Variants in RAB3C observed in about 807,000 individuals in gnomAD.
RAB3C encodes the protein ras-related protein Rab-3C.
RAB3C carries 17 observed loss-of-function variants against 26.4 expected under a neutral mutation model. The ratio of observed to expected loss-of-function variants is 0.64; its 90% CI spans 0.44 to 0.97. RAB3C has a LOEUF of 0.97. RAB3C is among the 50% of genes least tolerant of loss of function. RAB3C has a pLI of 0.00. For synonymous variants in RAB3C, 91 were observed against 95.9 expected (o/e 0.95, Z 0.30); for missense variants, 242 against 281.9 (o/e 0.86, Z 1.01).
intron 2 of RAB3C, among the ~76,000 whole-genome samples, chr5:58,683,495 T>C (rs537331791): frequency 6.6e-6 from 1 of 152,298 alleles, no homozygotes; most frequent in East Asian, 1.9e-4. Context: ...GAATGATGTA[T>C]TGGTTTCCTA....
At chr5:58,675,322 C>G (rs1334583125) in intron 2 of RAB3C, among the ~76,000 whole-genome samples, 1 of 152,118 alleles carries the variant, frequency 6.6e-6, no homozygotes, top group Non-Finnish European at 1.5e-5. Flanking sequence ...TTTTCTTCAC[C>G]TCTATCAATT....
chr5:58,745,392 C>CAA (rs1173604247), intron 3 of RAB3C, among the ~76,000 whole-genome samples: 2,034 of 33,044 alleles, frequency 0.062, 240 homozygotes, highest in East Asian at 0.31. Context: ...GACTCTGCTT[C>CAA]AAAAAAAAAA....
chr5:58,859,282 C>G lies in RAB3C; in HGVS notation c.*7931C>G, dbSNP rs1744331114. 6.6e-6 allele frequency: 1 copy of G among 152,136 alleles called. No individual in the cohort carries two copies. The highest frequency in any genetic ancestry group is 1.5e-5 in the Non-Finnish European group (1 of 68,018). The allele number at this position is 152,136 out of a possible 1,614,324, so 9.4% of individuals were successfully genotyped here. On this transcript the variant is annotated 3_prime_UTR_variant, in exon 5 of 5. Transcript: ENST00000282878. Reference sequence around the variant, plus strand: ...TAATTGTGTAAAAATGGTATGTGCTCTATTAGGTATTCAGTTTGTATGTGA... The same window carrying G: ...TAATTGTGTAAAAATGGTATGTGCTGTATTAGGTATTCAGTTTGTATGTGA...
At chr5:58,732,170 A>T (rs1026107661) in intron 3 of RAB3C, among the ~76,000 whole-genome samples, 2 of 151,200 alleles carry the variant, frequency 1.3e-5, no homozygotes, top group Non-Finnish European at 2.9e-5. Context: ...TTACATATGT[A>T]TACATGTGCC....
At chr5:58,793,139 C>T (rs1742567678) in intron 3 of RAB3C, among the ~76,000 whole-genome samples, 1 of 152,142 alleles carries the variant, frequency 6.6e-6, no homozygotes, top group Non-Finnish European at 1.5e-5. Context: ...AGAAGGGACA[C>T]ACAGCCTCAA....
chr5:58,654,849 G>A (rs939354109), intron 2 of RAB3C, among the ~76,000 whole-genome samples: 2 of 152,008 alleles, frequency 1.3e-5, no homozygotes, highest in Non-Finnish European at 1.5e-5. Context: ...TGCCTATTAC[G>A]TCCCAGGCAA....
At chr5:58,727,508 T>A (rs1218359611) in intron 3 of RAB3C, among the ~76,000 whole-genome samples, 3 of 151,982 alleles carry the variant, frequency 2.0e-5, no homozygotes, top group African/African-American at 7.2e-5. Flanking sequence ...CAAGGCAATC[T>A]TAATTAAATA....
intron 3 of RAB3C, among the ~76,000 whole-genome samples, chr5:58,785,552 T>G (rs1209534576): frequency 6.6e-5 from 10 of 152,294 alleles, no homozygotes; most frequent in Non-Finnish European, 1.5e-5. Context: ...GCTGATTCAG[T>G]AGGTATGAGA....
At chr5:58,707,363 A>G (rs1416202572) in intron 2 of RAB3C, among the ~76,000 whole-genome samples, 2 of 152,224 alleles carry the variant, frequency 1.3e-5, no homozygotes, top group East Asian at 3.8e-4. Flanking sequence ...AAAGAAACTT[A>G]GAAATAAAGA....
intron 3 of RAB3C, among the ~76,000 whole-genome samples, chr5:58,816,197 G>A (rs902421955): frequency 7.2e-5 from 11 of 152,112 alleles, no homozygotes; most frequent in Non-Finnish European, 1.2e-4. Context: ...AGGAGTTTGC[G>A]CATAAGTAGT....
At chr5:58,847,264 T>C (rs1316565567) in intron 4 of RAB3C, among the ~76,000 whole-genome samples, 3 of 152,192 alleles carry the variant, frequency 2.0e-5, no homozygotes, top group African/African-American at 4.8e-5. Context: ...GTAACTTATT[T>C]ATCAGGAGGT....
At chr5:58,764,944 A>T (rs989272494) in intron 3 of RAB3C, among the ~76,000 whole-genome samples, 26 of 152,126 alleles carry the variant, frequency 1.7e-4, no homozygotes, top group African/African-American at 6.3e-4. Context: ...TGGCCTTAAG[A>T]CTTTTTTTTG....
intron 3 of RAB3C, among the ~76,000 whole-genome samples, chr5:58,813,592 T>TTATTTA (rs1743135227): frequency 2.1e-5 from 1 of 47,814 alleles, no homozygotes; most frequent in African/African-American, 6.5e-5. Flanking sequence ...ATATTTATAT[T>TTATTTA]TATATATATA....
intron 3 of RAB3C, among the ~76,000 whole-genome samples, chr5:58,737,181 C>T (rs1038507671): frequency 1.3e-5 from 2 of 151,794 alleles, no homozygotes; most frequent in African/African-American, 4.8e-5. Flanking sequence ...TACCTAAGAA[C>T]ATTTGCATCT....
At position 58,628,500 on chromosome 5, in the gene RAB3C, T is replaced by G. The variant is rs536732008; in HGVS notation, c.252+10630T>G. The stretch of plus-strand genomic sequence containing the variant: ...GACATTACATTAGAGCCTTGGCCTT[T>G]TAGAACACAGCCACTGCCAATCAGT... On this transcript the variant is annotated intron_variant, in intron 2 of 4. Transcript: ENST00000282878. Among the ~76,000 whole-genome samples the G allele has an allele frequency of 2.7e-4, 41 of 152,276 alleles. 1 individual carries two copies. In the South Asian group the frequency reaches 8.5e-3, roughly 32 times the overall value.
At chr5:58,833,369 G>A (rs924459121) in intron 4 of RAB3C, among the ~76,000 whole-genome samples, 1 of 116,138 alleles carries the variant, frequency 8.6e-6, no homozygotes, top group African/African-American at 3.0e-5. Context: ...CACATATTAA[G>A]TAAATCAGAA....
chr5:58,701,126 G>A (rs1214334398), intron 2 of RAB3C, among the ~76,000 whole-genome samples: 1 of 151,982 alleles, frequency 6.6e-6, no homozygotes, highest in Non-Finnish European at 1.5e-5. Flanking sequence ...CCCCAGAGTA[G>A]CTGGGACTGC....
chr5:58,771,415 T>G (rs1742029234), intron 3 of RAB3C, among the ~76,000 whole-genome samples: 2 of 152,034 alleles, frequency 1.3e-5, no homozygotes, highest in South Asian at 4.1e-4. Context: ...AAAGAATCCA[T>G]CAAAATCATG....
Position 58,705,201 on chromosome 5 carries a change from T to C in RAB3C, c.253-20801T>C, listed in dbSNP as rs372804558. ...CAGTGAATCTCTGCTTTCAACATAC[T>C]TTTAGAATAAACAACTAGTAGAATA... On this transcript the variant is annotated intron_variant, in intron 2 of 4. Transcript: ENST00000282878. 1.5e-4 allele frequency among the ~76,000 whole-genome samples: 23 copies of C among 152,156 alleles called. 1 individual carries two copies. The highest frequency in any genetic ancestry group is 9.6e-4 in the East Asian group (5 of 5,198).
Sources: gnomAD v4.1 joint callset for allele counts (sites outside exome capture counted in the v4.1 genomes callset) on GRCh38, gnomAD v4.1.1 for gene constraint, MANE v1.5 for transcripts, NCBI Gene and HGNC (gene_info 2026-07-23, HGNC 2026-07-21) for gene names.